CSMD3: variants seen among roughly 807,000 people sequenced by gnomAD.
The protein encoded by CSMD3 is CUB and sushi domain-containing protein 3.
A neutral mutation model predicts 435.2 loss-of-function variants in CSMD3; 177 were observed. That is an observed-to-expected ratio of 0.41 (90% CI 0.36 to 0.46). The LOEUF is 0.46. Among genes scored for constraint, CSMD3 ranks in the 20% least tolerant of loss-of-function variants. CSMD3 has a pLI of 0.34. For missense variants in CSMD3, 4,265 were observed against 4,504.6 expected, an observed-to-expected ratio of 0.95 and a Z score of 1.52; for synonymous variants, 1,656 against 1,520.5, an observed-to-expected ratio of 1.09 and a Z score of -2.07.
At chr8:112,495,511 T>C (rs1417374852) in intron 30 of CSMD3, among the ~76,000 whole-genome samples, 1 of 152,236 alleles carries the variant, frequency 6.6e-6, no homozygotes, top group Non-Finnish European at 1.5e-5. Context: ...TTTGAGAGAA[T>C]GCCCTTATGT....
At chr8:113,008,353 G>C (rs1479995562) in intron 6 of CSMD3, among the ~76,000 whole-genome samples, 1 of 151,774 alleles carries the variant, frequency 6.6e-6, no homozygotes, top group Non-Finnish European at 1.5e-5. Flanking sequence ...TGTTCTCTCA[G>C]TGTATTTATG....
At chr8:112,806,926 T>C (rs556808509) in intron 12 of CSMD3, among the ~76,000 whole-genome samples, 1 of 152,296 alleles carries the variant, frequency 6.6e-6, no homozygotes, top group South Asian at 2.1e-4. Context: ...AGATTCGAAA[T>C]CAAACCAAGT....
intron 38 of CSMD3, among the ~76,000 whole-genome samples, chr8:112,361,278 C>CA (rs561771084): frequency 2.6e-4 from 39 of 149,058 alleles, no homozygotes; most frequent in Non-Finnish European, 4.9e-4. Flanking sequence ...CTGTTGTAGC[C>CA]AAAAAAAAGA....
chr8:113,215,009 A>G (rs751391077), intron 3 of CSMD3, among the ~76,000 whole-genome samples: 3 of 151,914 alleles, frequency 2.0e-5, no homozygotes, highest in East Asian at 1.9e-4. Context: ...GATAGTGTAA[A>G]GAGACATATT....
chr8:112,836,822 T>C (rs969879092), intron 11 of CSMD3, among the ~76,000 whole-genome samples: 43 of 151,894 alleles, frequency 2.8e-4, no homozygotes, highest in African/African-American at 9.1e-4. Flanking sequence ...GACATTCCAA[T>C]GAACAAATCG....
chr8:113,356,611 T>C lies in CSMD3; in HGVS notation c.179-41818A>G, dbSNP rs115470050. Among the ~76,000 whole-genome samples the C allele has an allele frequency of 5.1e-3, 783 of 152,248 alleles. 12 individuals carry two copies. Among genetic ancestry groups the C allele is most frequent in the African/African-American group, 0.018 (755 of 41,560 alleles). On this transcript the variant is annotated intron_variant, in intron 1 of 70. Transcript: ENST00000297405. Reference sequence around the variant, plus strand: ...AATTTACTTGAACTGATGAACAAATTACATGTGATACTTATTCTCACTAAG... The same window carrying C: ...AATTTACTTGAACTGATGAACAAATCACATGTGATACTTATTCTCACTAAG...
At chr8:112,694,385 C>T (rs564414699) in intron 13 of CSMD3, among the ~76,000 whole-genome samples, 6 of 152,116 alleles carry the variant, frequency 3.9e-5, no homozygotes, top group African/African-American at 1.4e-4. Flanking sequence ...CTTAGGAATA[C>T]CCTACAGCCT....
intron 10 of CSMD3, among the ~76,000 whole-genome samples, chr8:112,919,648 C>T (rs892083968): frequency 6.6e-6 from 1 of 151,712 alleles, no homozygotes; most frequent in Non-Finnish European, 1.5e-5. Flanking sequence ...ATATTTGAAA[C>T]ATATCATTTT....
intron 7 of CSMD3, among the ~76,000 whole-genome samples, chr8:112,957,348 A>G (rs2084058907): frequency 6.6e-6 from 1 of 152,234 alleles, no homozygotes; most frequent in African/African-American, 2.4e-5. Flanking sequence ...GGTATTTTAT[A>G]CAGGTTAAGG....
chr8:112,626,323 T>G (rs551810532), intron 22 of CSMD3, among the ~76,000 whole-genome samples: 3 of 152,108 alleles, frequency 2.0e-5, no homozygotes, highest in Non-Finnish European at 4.4e-5. Context: ...ATAGTCCTAG[T>G]TTGTTCCAAT....
rs774796700 is a variant in CSMD3, at chr8:112,552,643, T to A, written c.4312A>T (p.Asn1438Tyr). 2 of 1,612,334 alleles carry A rather than the reference T, an allele frequency of 1.2e-6. No individual in the cohort carries two copies. The highest frequency in any genetic ancestry group is 2.2e-5 in the South Asian group (2 of 91,056). The change falls in exon 26 of 71, where the codon AAC becomes TAC. Residue 1438 changes from asparagine (N) to tyrosine (Y), a missense_variant. This residue lies in a region of CSMD3 where 3,255 missense variants were observed against 3,380.2 expected (regional missense o/e 0.96). Transcript: ENST00000297405. The stretch of plus-strand genomic sequence containing the variant: ...TCAATCATCCACATGCAACGCAGGT[T>A]ATTGTCATATGGAAAAGGATAGCCA... ...SPGYPFPYDN[N>Y]LRCMWMIEVD...
intron 24 of CSMD3, among the ~76,000 whole-genome samples, chr8:112,568,279 A>G (rs943907320): frequency 6.6e-6 from 1 of 152,150 alleles, no homozygotes; most frequent in Non-Finnish European, 1.5e-5. Flanking sequence ...ATGAAGACTG[A>G]ACAGATTTAA....
chr8:112,996,629 T>C (rs561278777), intron 6 of CSMD3, among the ~76,000 whole-genome samples: 47 of 151,598 alleles, frequency 3.1e-4, no homozygotes, highest in Admixed American at 1.1e-3. Flanking sequence ...TTGAAGAGAG[T>C]TTTGAGACAC....
At chr8:113,187,491 A>G (rs1203138502) in intron 3 of CSMD3, among the ~76,000 whole-genome samples, 1 of 152,030 alleles carries the variant, frequency 6.6e-6, no homozygotes, top group Non-Finnish European at 1.5e-5. Flanking sequence ...AAAATACTGG[A>G]AACTTCTGTA....
intron 59 of CSMD3, 87 bp downstream of exon 59, chr8:112,281,087 A>T: frequency 9.8e-7 from 1 of 1,024,022 alleles, no homozygotes; most frequent in Non-Finnish European, 1.5e-6. Context: ...ACATGGTTTT[A>T]TTAATTACAA....
chr8:113,169,805 A>T (rs1244647164), intron 4 of CSMD3, among the ~76,000 whole-genome samples: 1 of 152,150 alleles, frequency 6.6e-6, no homozygotes, highest in Non-Finnish European at 1.5e-5. Context: ...CTGGGTTAAG[A>T]AGGATTCTAA....
At position 112,463,037 on chromosome 8, in the gene CSMD3, C is replaced by T. The variant is rs188660254; in HGVS notation, c.5395+9554G>A. Among the ~76,000 whole-genome samples, 6 of 152,300 alleles carry T rather than the reference C, an allele frequency of 3.9e-5. No homozygotes were observed. In the East Asian group the frequency reaches 1.2e-3, roughly 29 times the overall value. ...TGAGTAACACGGCTTTTCATACTTC[C>T]TTGTGCTTGTGTGGTATCAGTCTTG... On this transcript the variant is annotated intron_variant, in intron 32 of 70. Coordinates refer to ENST00000297405, the MANE Select transcript of CSMD3 (RefSeq NM_198123.2).
chr8:112,317,533 A>G (rs1006177086), intron 47 of CSMD3, among the ~76,000 whole-genome samples: 2 of 152,014 alleles, frequency 1.3e-5, no homozygotes, highest in Non-Finnish European at 2.9e-5. Context: ...TGAACATGAA[A>G]CCGACATAAT....
chr8:112,867,095 G>A (rs1054094402), intron 10 of CSMD3, among the ~76,000 whole-genome samples: 2 of 152,082 alleles, frequency 1.3e-5, no homozygotes, highest in African/African-American at 4.8e-5. Context: ...ACCTAAAGAT[G>A]GACAACTTTC....
Sources: gnomAD v4.1 joint callset for allele counts (sites outside exome capture counted in the v4.1 genomes callset) on GRCh38, gnomAD v4.1.1 for gene constraint, gnomAD v4.1.1 regional missense constraint, MANE v1.5 for transcripts, NCBI Gene and HGNC (gene_info 2026-07-23, HGNC 2026-07-21) for gene names.